The following CCDC92B variants were observed in gnomAD, a reference collection of about 807,000 sequenced individuals.
The protein encoded by CCDC92B is coiled-coil domain containing 92B.
A neutral mutation model predicts 5.6 loss-of-function variants in CCDC92B; 2 were observed. That is an observed-to-expected ratio of 0.36 (90% CI 0.15 to 1.12). CCDC92B has a LOEUF of 1.12. Among genes scored for constraint, CCDC92B ranks in the 50% most tolerant of loss-of-function variants. The pLI is 0.40. For synonymous variants in CCDC92B, 115 were observed against 122.3 expected, an observed-to-expected ratio of 0.94 and a Z score of 0.39; for missense variants, 271 against 262.2, an observed-to-expected ratio of 1.03 and a Z score of -0.23.
At chr17:2,726,166 T>TTG (rs2070726707) in intron 3 of CCDC92B, among the ~76,000 whole-genome samples, 2 of 48,352 alleles carry the variant, frequency 4.1e-5, no homozygotes, top group Non-Finnish European at 5.2e-5. Context: ...CAGCTAATTT[T>TTG]TGTATATATA....
intron 3 of CCDC92B, among the ~76,000 whole-genome samples, chr17:2,727,718 G>A (rs1351484403): frequency 1.3e-5 from 2 of 152,084 alleles, no homozygotes; most frequent in Non-Finnish European, 2.9e-5. Flanking sequence ...CAGCTACTTG[G>A]GAGGCTGAAG....
intron 1 of CCDC92B, among the ~76,000 whole-genome samples, chr17:2,747,476 C>A (rs573083113): frequency 6.6e-6 from 1 of 152,250 alleles, no homozygotes; most frequent in Non-Finnish European, 1.5e-5. Context: ...CCTGTCATCC[C>A]AGCACTTTGG....
At chr17:2,738,891 T>C (rs1180557641) in intron 1 of CCDC92B, among the ~76,000 whole-genome samples, 1 of 147,550 alleles carries the variant, frequency 6.8e-6, no homozygotes, top group African/African-American at 2.5e-5. Context: ...ACCAATATGG[T>C]GAAACCCTGT....
chr17:2,739,745 C>T (rs2070906580), intron 1 of CCDC92B, among the ~76,000 whole-genome samples: 1 of 152,052 alleles, frequency 6.6e-6, no homozygotes, highest in African/African-American at 2.4e-5. Flanking sequence ...ATGTAAAGTG[C>T]TTAGCACAGG....
intron 1 of CCDC92B, among the ~76,000 whole-genome samples, chr17:2,749,035 G>C (rs948998154): frequency 6.6e-6 from 1 of 152,212 alleles, no homozygotes; most frequent in African/African-American, 2.4e-5. Flanking sequence ...TTCAGGTTCT[G>C]CCCTGATTAT....
At chr17:2,729,337 C>A (rs1567612164) in intron 3 of CCDC92B, among the ~76,000 whole-genome samples, 1 of 151,826 alleles carries the variant, frequency 6.6e-6, no homozygotes, top group Non-Finnish European at 1.5e-5. Context: ...CTAAGAAATA[C>A]AAAAAATTAG....
rs946227009 is a variant in CCDC92B, at chr17:2,724,668, G to A, written c.511C>T (p.Leu171=). 2 of 981,832 alleles carry A rather than the reference G, an allele frequency of 2.0e-6. No individual in the cohort carries two copies. Among genetic ancestry groups the A allele is most frequent in the Admixed American group, 1.3e-4 (2 of 15,874 alleles). 60.8% of individuals were successfully genotyped at this position (981,832 alleles called of 1,614,324 possible). Residue 171 remains leucine (L), a synonymous_variant, in exon 4 of 4, where the codon CTG becomes TTG. Coordinates refer to ENST00000614400, the MANE Select transcript of CCDC92B (RefSeq NM_001355573.2). The surrounding 1 kb of genome is among the most constrained non-coding windows in gnomAD (Gnocchi z 5.0). ...GCAGCAGGCGGGCGGCGGGCTCGCA[G>A]TGCGCGGCGGCGTGGCCTGGGCTCG... ...TAEPRPRRRA[L]RARRPPAAHE... is the part of the protein sequence containing the mutation.
chr17:2,730,353 G>T, intron 3 of CCDC92B, 93 bp downstream of exon 3: 2 of 695,554 alleles, frequency 2.9e-6, no homozygotes, highest in Non-Finnish European at 3.5e-6. Flanking sequence ...AGTCTAGGCT[G>T]GGGACAGAGA....
Position 2,724,212 on chromosome 17 carries a change from A to C in CCDC92B, c.*199T>G, listed in dbSNP as rs1369627371. 7 of 985,064 alleles carry C rather than the reference A, an allele frequency of 7.1e-6. No individual in the cohort carries two copies. In the East Asian group the frequency reaches 6.9e-4, roughly 96 times the overall value. 61.0% of individuals were successfully genotyped at this position (985,064 alleles called of 1,614,324 possible). Reference sequence around the variant, plus strand: ...CCCGCGGAGGAACTCTCGCGCGAGGAGAGGGCTCGAAGCTTTGGAAACGTC... The same window carrying C: ...CCCGCGGAGGAACTCTCGCGCGAGGCGAGGGCTCGAAGCTTTGGAAACGTC... On this transcript the variant is annotated 3_prime_UTR_variant, in exon 4 of 4. Coordinates refer to ENST00000614400, the MANE Select transcript of CCDC92B (RefSeq NM_001355573.2). The surrounding 1 kb of genome is among the most constrained non-coding windows in gnomAD (Gnocchi z 5.0).
intron 1 of CCDC92B, among the ~76,000 whole-genome samples, chr17:2,749,110 G>A (rs951730614): frequency 6.6e-6 from 1 of 152,222 alleles, no homozygotes; most frequent in Non-Finnish European, 1.5e-5. Flanking sequence ...AAGGAGGACG[G>A]GGAAGCGAGG....
At chr17:2,740,989 AAAAG>A (rs1309632132) in intron 1 of CCDC92B, among the ~76,000 whole-genome samples, 39 of 151,424 alleles carry the variant, frequency 2.6e-4, no homozygotes, top group Admixed American at 4.0e-4. Context: ...AAAAAAAAAA[AAAAG>A]AGCCAGACTC....
chr17:2,746,183 T>C (rs2070984152), intron 1 of CCDC92B, among the ~76,000 whole-genome samples: 1 of 152,198 alleles, frequency 6.6e-6, no homozygotes, highest in Non-Finnish European at 1.5e-5. Flanking sequence ...GGTTTTGCCA[T>C]GTTGGCCAGG....
At chr17:2,733,416 C>T (rs917207483) in intron 2 of CCDC92B, among the ~76,000 whole-genome samples, 4 of 152,050 alleles carry the variant, frequency 2.6e-5, no homozygotes, top group African/African-American at 9.6e-5. Flanking sequence ...TGTGCCACCA[C>T]GTCCGGCTAA....
At chr17:2,740,793 C>T (rs1410232166) in intron 1 of CCDC92B, among the ~76,000 whole-genome samples, 1 of 151,714 alleles carries the variant, frequency 6.6e-6, no homozygotes, top group African/African-American at 2.4e-5. Flanking sequence ...CATGATGAAA[C>T]CTCGTCTCTA....
In CCDC92B at chr17:2,724,374, C is replaced by A. The variant is rs1430782283; in HGVS notation, c.*37G>T. On this transcript the variant is annotated 3_prime_UTR_variant, in exon 4 of 4. Coordinates refer to ENST00000614400, the MANE Select transcript of CCDC92B (RefSeq NM_001355573.2). The surrounding 1 kb of genome is among the most constrained non-coding windows in gnomAD (Gnocchi z 5.0). ...CCGAGCTGCGTCCCTGGCCGGCCCT[C>A]CCCGTCCGTCCCGCGTCACCCCGGC... 1 of 985,078 alleles carries A rather than the reference C, an allele frequency of 1.0e-6. No homozygotes were observed. 61.0% of individuals were successfully genotyped at this position (985,078 alleles called of 1,614,324 possible). A position where few individuals can be genotyped will look rare whatever the true frequency, so the allele number is the denominator to read the frequency against.
intron 1 of CCDC92B, among the ~76,000 whole-genome samples, chr17:2,738,576 C>CCTGGCTAACAT (rs1567616534): frequency 2.0e-5 from 3 of 148,650 alleles, no homozygotes; most frequent in East Asian, 2.0e-4. Flanking sequence ...ATCGAGACCA[C>CCTGGCTAACAT]GGTGAAACCC....
chr17:2,746,170 C>T (rs1430985300), intron 1 of CCDC92B, among the ~76,000 whole-genome samples: 3 of 152,190 alleles, frequency 2.0e-5, no homozygotes, highest in African/African-American at 4.8e-5. Context: ...TTAGTAGAGA[C>T]GTGGTTTTGC....
intron 1 of CCDC92B, among the ~76,000 whole-genome samples, chr17:2,745,992 T>TC (rs1208496915): frequency 2.6e-5 from 4 of 151,840 alleles, no homozygotes; most frequent in East Asian, 1.9e-4. Flanking sequence ...TTCTTTTTTT[T>TC]CCCCCCGAGA....
At chr17:2,725,988 CTTTTTTTTTTTTTT>C (rs565583381) in intron 3 of CCDC92B, among the ~76,000 whole-genome samples, 2 of 78,240 alleles carry the variant, frequency 2.6e-5, no homozygotes, top group African/African-American at 1.1e-4. Flanking sequence ...TTTATCACGT[CTTTTTTTTTTTTTT>C]TTTTTTTTTT....
Sources: allele counts gnomAD v4.1 joint callset (sites outside exome capture counted in the v4.1 genomes callset), GRCh38; gene constraint gnomAD v4.1.1; non-coding constraint Gnocchi (gnomAD v3.1); transcripts MANE v1.5; gene names NCBI Gene and HGNC (gene_info 2026-07-23, HGNC 2026-07-21).